POLRMT: variants seen among roughly 807,000 people sequenced by gnomAD.
POLRMT encodes the protein DNA-directed RNA polymerase, mitochondrial.
POLRMT carries 114 observed loss-of-function variants against 132.2 expected under a neutral mutation model. The observed-to-expected ratio is 0.86, with a 90% confidence interval of 0.74 to 1.01. The LOEUF is 1.01. POLRMT is among the 50% of genes least tolerant of loss of function. POLRMT has a pLI of 0.00. For missense variants in POLRMT, 2,003 were observed against 1,729.1 expected (o/e 1.16, Z -2.81); for synonymous variants, 1,020 against 773.4 (o/e 1.32, Z -5.29).
intron 3 of POLRMT, 28 bp downstream of exon 3, chr19:629,512 A>C (rs1167098983): frequency 1.3e-6 from 2 of 1,489,892 alleles, no homozygotes; most frequent in Non-Finnish European, 8.9e-7. Flanking sequence ...CGACCAGGGC[A>C]GGTGGCCCGG....
At position 617,221 on chromosome 19, in the gene POLRMT, T is replaced by G. The variant is rs1201472194; in HGVS notation, c.*53A>C. ...GTGCACCCTTCCTGAAGACAGTGGCTCCTGGGGGTGGCAAAAGAGCTTTAT... is the reference window on the plus strand; with the variant it reads ...GTGCACCCTTCCTGAAGACAGTGGCGCCTGGGGGTGGCAAAAGAGCTTTAT... On this transcript the variant is annotated 3_prime_UTR_variant, in exon 21 of 21. Coordinates refer to ENST00000588649, the MANE Select transcript of POLRMT (RefSeq NM_005035.4). 12 of 1,596,184 alleles carry G rather than the reference T, an allele frequency of 7.5e-6. No individual in the cohort carries two copies. Among genetic ancestry groups the G allele is most frequent in the South Asian group, 3.3e-5 (3 of 90,590 alleles).
At chr19:623,405 C>T in intron 6 of POLRMT, 49 bp downstream of exon 6, 2 of 1,592,828 alleles carry the variant, frequency 1.3e-6, no homozygotes, top group Non-Finnish European at 1.7e-6. Context: ...GGACACGCGA[C>T]CCCGGCTCAG....
chr19:631,961 G>A (rs989322175), intron 2 of POLRMT, among the ~76,000 whole-genome samples: 3 of 152,302 alleles, frequency 2.0e-5, no homozygotes, highest in Admixed American at 1.3e-4. Context: ...TTTTAGTAGA[G>A]ACAGTGTTTC....
At chr19:631,400 G>C (rs1176261445) in intron 2 of POLRMT, among the ~76,000 whole-genome samples, 1 of 151,442 alleles carries the variant, frequency 6.6e-6, no homozygotes, top group African/African-American at 2.4e-5. Flanking sequence ...AGCACTTTAG[G>C]AGGCCGAGGC....
intron 20 of POLRMT, 44 bp downstream of exon 20, chr19:617,375 G>GC (rs1984053611): frequency 1.9e-6 from 3 of 1,612,378 alleles, no homozygotes; most frequent in Non-Finnish European, 1.7e-6. Context: ...CCCCGCCCTG[G>GC]CCCGCAGTTC....
Position 633,530 on chromosome 19 carries a change from G to GCGCCGCCGCCGCCGCCGCCGCCA in POLRMT, c.-19_-18insTGGCGGCGGCGGCGGCGGCGGCG, listed in dbSNP as rs769743605. The GCGCCGCCGCCGCCGCCGCCGCCA allele has an allele frequency of 5.5e-5, 72 of 1,319,394 alleles. 1 individual carries two copies. In the African/African-American group the frequency reaches 9.7e-4, roughly 18 times the overall value. 81.7% of individuals were successfully genotyped at this position (1,319,394 alleles called of 1,614,324 possible). On this transcript the variant is annotated 5_prime_UTR_variant, in exon 1 of 21. Coordinates refer to ENST00000588649, the MANE Select transcript of POLRMT (RefSeq NM_005035.4). ...GCCGACATTACGCACGCCGCTCCAG[G>GCGCCGCCGCCGCCGCCGCCGCCA]CCACCCCACCGGCCCGCGCCTGCGC...
In POLRMT at chr19:618,479, G is replaced by GA; in HGVS notation, c.3422+8dup. 1.9e-6 allele frequency: 3 copies of GA among 1,588,732 alleles called. No individual in the cohort carries two copies. The highest frequency in any genetic ancestry group is 2.6e-6 in the Non-Finnish European group (3 of 1,161,622). On this transcript the variant is annotated intron_variant, in intron 17 of 20. Transcript: ENST00000588649. Reference sequence around the variant, plus strand: ...GCGAGCGGCACCCACGCCGTCCGGAGACGCCCACCTGTAGCAGTGCAGGGC... The same window carrying GA: ...GCGAGCGGCACCCACGCCGTCCGGAGAACGCCCACCTGTAGCAGTGCAGGGC...
chr19:619,338 C>T (rs756265225), intron 13 of POLRMT, 42 bp from the exon 14 acceptor site: 2 of 1,574,160 alleles, frequency 1.3e-6, no homozygotes, highest in Non-Finnish European at 1.7e-6. Context: ...CAGGGGCTGG[C>T]CCGTTCACGC....
chr19:630,853 A>G (rs1169342763), intron 2 of POLRMT, among the ~76,000 whole-genome samples: 1 of 152,186 alleles, frequency 6.6e-6, no homozygotes. Flanking sequence ...TCTTTAAAGA[A>G]GCCTTGTTGG....
In POLRMT at chr19:621,063, A is replaced by G. The variant is rs76890343; in HGVS notation, c.2635T>C (p.Leu879=). The change falls in exon 10 of 21, where the codon TTG becomes CTG. Residue 879 remains leucine (L), a synonymous_variant. Transcript: ENST00000588649. ...DDILDSADQP[L]TGRKWWMGAE... ...TGCGGGGGCCCCGCCCCTACCGTCA[A>G]GGGTTGGTCCGCGGAGTCCAGGATG... The G allele has an allele frequency of 0.099, 130,777 of 1,315,752 alleles. 13,370 individuals are homozygous for G. The highest frequency in any genetic ancestry group is 0.21 in the South Asian group (13,207 of 64,190). The allele number at this position is 1,315,752 out of a possible 1,614,324, so 81.5% of individuals were successfully genotyped here. A position where few individuals can be genotyped will look rare whatever the true frequency, so the allele number is the denominator to read the frequency against.
In POLRMT at chr19:619,119, C is replaced by T; in HGVS notation, c.3154-9G>A. The T allele has an allele frequency of 1.2e-6, 2 of 1,611,598 alleles. No homozygotes were observed. The highest frequency in any genetic ancestry group is 8.5e-7 in the Non-Finnish European group (1 of 1,179,190). On this transcript the variant is annotated splice_polypyrimidine_tract_variant and intron_variant, in intron 14 of 20. Transcript: ENST00000588649. ...CTCTCGGTCAGCCAGTGCTGTGGGACACAGGCCGTCTCAGGGCAGGGGGCT... is the reference window on the plus strand; with the variant it reads ...CTCTCGGTCAGCCAGTGCTGTGGGATACAGGCCGTCTCAGGGCAGGGGGCT...
At chr19:625,524 T>G (rs1184412391) in intron 3 of POLRMT, 1 of 418,934 alleles carries the variant, frequency 2.4e-6, no homozygotes, top group Non-Finnish European at 4.3e-6. Context: ...GATTTGTCAA[T>G]TGTGTGGATC....
In POLRMT at chr19:617,582, C is replaced by T. The variant is rs150648879; in HGVS notation, c.3569G>A (p.Arg1190Gln). The T allele has an allele frequency of 1.1e-4, 178 of 1,612,018 alleles. No homozygotes were observed. Among genetic ancestry groups the T allele is most frequent in the Admixed American group, 2.0e-4 (12 of 60,018 alleles). The change falls in exon 19 of 21, where the codon CGG becomes CAG. Residue 1190 changes from arginine to glutamine, a missense_variant. Arg to Gln is a conservative substitution (Grantham distance 43). Coordinates refer to ENST00000588649, the MANE Select transcript of POLRMT (RefSeq NM_005035.4). Reference protein sequence around the residue: ...LQDLSRFLVKRFCSEPQKILE... With the variant: ...LQDLSRFLVKQFCSEPQKILE... ...GGGAGCGCCTTACTCAGAGCAGAAC[C>T]GCTTGACCAGGAATCTGGACAGGTC...
Position 619,768 on chromosome 19 carries a change from G to T in POLRMT, c.2887-3C>A. On this transcript the variant is annotated splice_region_variant and splice_polypyrimidine_tract_variant and intron_variant, in intron 12 of 20. Transcript: ENST00000588649. ...TCCTGCCTACGGAACACCTCCACCT[G>T]CACGGCGGGTGGGCCGGGGGCGCGG... 3 of 1,566,680 alleles carry T rather than the reference G, an allele frequency of 1.9e-6. No individual in the cohort carries two copies. The highest frequency in any genetic ancestry group is 2.6e-6 in the Non-Finnish European group (3 of 1,155,990).
rs1437956849 is a variant in POLRMT at position 621,848 on chromosome 19, TG to T, written c.1852-3del. 1 of 1,601,636 alleles carries T rather than the reference TG, an allele frequency of 6.2e-7. No homozygotes were observed. The highest frequency in any genetic ancestry group is 8.5e-7 in the Non-Finnish European group (1 of 1,179,766). ...CGGGTGCGGCTTCAGGATGCCGATCTGGGGTGCGACAGGCAGACGGGTCAGG... is the reference window on the plus strand; with the variant it reads ...CGGGTGCGGCTTCAGGATGCCGATCTGGGTGCGACAGGCAGACGGGTCAGG... On this transcript the variant is annotated splice_polypyrimidine_tract_variant and splice_region_variant and intron_variant, in intron 9 of 20. Coordinates refer to ENST00000588649, the MANE Select transcript of POLRMT (RefSeq NM_005035.4).
chr19:623,678 G>C, intron 5 of POLRMT, 75 bp from the exon 6 acceptor site: 4 of 1,516,710 alleles, frequency 2.6e-6, no homozygotes. Flanking sequence ...GAGACAGCAT[G>C]GGTGCACGCG....
rs751856007 is a variant in POLRMT at position 618,689 on chromosome 19, C to G, written c.3323+16G>C. On this transcript the variant is annotated intron_variant, in intron 16 of 20. Coordinates refer to ENST00000588649, the MANE Select transcript of POLRMT (RefSeq NM_005035.4). Reference sequence around the variant, plus strand: ...CCAGACCCCCGGCCAGGCCCCAGCCCGGGCCCCCCACTCACCGGCTGATGT... The same window carrying G: ...CCAGACCCCCGGCCAGGCCCCAGCCGGGGCCCCCCACTCACCGGCTGATGT... 6.3e-7 allele frequency: 1 copy of G among 1,599,384 alleles called. No homozygotes were observed. Among genetic ancestry groups the G allele is most frequent in the Non-Finnish European group, 8.5e-7 (1 of 1,170,408 alleles).
chr19:632,545 G>GT (rs1185696627), intron 2 of POLRMT, among the ~76,000 whole-genome samples: 41 of 151,252 alleles, frequency 2.7e-4, no homozygotes, highest in Admixed American at 9.8e-4. Context: ...CCGGGGGGGG[G>GT]GTCTCTCCAG....
rs764986631 is a variant in POLRMT at position 629,769 on chromosome 19, G to C, written c.593C>G (p.Ala198Gly). ...CACATCGAGGCTCAGCTTCCCAGGG[G>C]CCTCCTGCAGCAGCCGGGCCAGCTG... ...EEQLARLLQE[A>G]PGKLSLDVEQ... is the part of the protein sequence containing the mutation. Residue 198 changes from alanine (A) to glycine (G), a missense_variant, in exon 3 of 21, where the codon GCC becomes GGC. By Grantham distance (60) the Ala-to-Gly change is moderately conservative. Coordinates refer to ENST00000588649, the MANE Select transcript of POLRMT (RefSeq NM_005035.4). The C allele has an allele frequency of 5.1e-6, 8 of 1,567,736 alleles. No individual in the cohort carries two copies.
Sources: allele counts gnomAD v4.1 joint callset (sites outside exome capture counted in the v4.1 genomes callset), GRCh38; gene constraint gnomAD v4.1.1; transcripts MANE v1.5; gene names NCBI Gene and HGNC (gene_info 2026-07-23, HGNC 2026-07-21).